Variants in GNL3L observed in about 807,000 individuals in gnomAD.
The protein encoded by GNL3L is G protein nucleolar 3 like.
A neutral mutation model predicts 42.9 loss-of-function variants in GNL3L; 4 were observed. The observed-to-expected ratio is 0.09, with a 90% CI of 0.05 to 0.21. GNL3L has a LOEUF of 0.21. Ranked by LOEUF, GNL3L falls within the 10% of genes least tolerant of loss-of-function variation. The pLI is 1.00. For missense variants in GNL3L, 412 were observed against 481.7 expected (o/e 0.86, Z 1.36); for synonymous variants, 159 against 176.3 (o/e 0.90, Z 0.78).
the GNL3L span, among the ~76,000 whole-genome samples, chrX:54,634,894 C>T: frequency 1.9e-5 from 2 of 103,168 alleles, no homozygotes; most frequent in Non-Finnish European, 3.9e-5. Context: ...GGGGTTCAAG[C>T]GATTCTCCTG....
rs1925348581 is a variant in GNL3L at position 54,564,063 on chromosome X, A to AC, written c.*3466dup. On this transcript the variant is annotated 3_prime_UTR_variant, in exon 16 of 16. Transcript: ENST00000360845. ...CCAGGCCCTTTTGTAGTCAACTCCT[A>AC]CCCCCGACCCTCAGATTCTGCTAAC... 9.2e-6 allele frequency among the ~76,000 whole-genome samples: 1 copy of AC among 109,157 alleles called. No individual in the cohort carries two copies. The highest frequency in any genetic ancestry group is 1.9e-5 in the Non-Finnish European group (1 of 52,612). The allele number at this position is 109,157 out of a possible 115,157, so 94.8% of individuals were successfully genotyped here.
At chrX:54,539,181 T>TTTAC in intron 3 of GNL3L, 80 bp downstream of exon 3, 1 of 531,808 alleles carries the variant, frequency 1.9e-6, no homozygotes, top group Non-Finnish European at 3.0e-6. Flanking sequence ...CCAGTAAATA[T>TTTAC]TGGGTGACTC....
intron 16 of GNL3L, among the ~76,000 whole-genome samples, chrX:54,586,057 C>G (rs1484993731): frequency 9.0e-6 from 1 of 111,451 alleles, no homozygotes; most frequent in African/African-American, 3.3e-5. Flanking sequence ...GATAATCACA[C>G]TTCAAATAGA....
rs1187357541 is a variant in GNL3L at position 54,586,382 on chromosome X, C to T, written c.*45+25735C>T. 8.5e-5 allele frequency among the ~76,000 whole-genome samples: 9 copies of T among 106,423 alleles called. No individual in the cohort carries two copies. The Admixed American group carries it at 9.8e-4, about 12-fold the overall frequency. 92.4% of individuals were successfully genotyped at this position (106,423 alleles called of 115,157 possible). A position where few individuals can be genotyped will look rare whatever the true frequency, so the allele number is the denominator to read the frequency against. On this transcript the variant is annotated intron_variant, in intron 16 of 16. Transcript: ENST00000674498. ...GCGGGGTCCCAAAAGCCCCTGAGTC[C>T]TAAGCAGCAGCAGCAGCAGCACAGT...
rs1303754082 is a variant in GNL3L, at chrX:54,566,084, G to T, written c.*5482G>T. On this transcript the variant is annotated 3_prime_UTR_variant, in exon 16 of 16. Transcript: ENST00000360845. ...GATACACCCGTCTTAGCCTCCCAAA[G>T]TTCTGGGATTACAGGCATGAGCCAT... Among the ~76,000 whole-genome samples the T allele has an allele frequency of 5.4e-5, 6 of 111,490 alleles. No individual in the cohort carries two copies. Among genetic ancestry groups the T allele is most frequent in the Non-Finnish European group, 9.4e-5 (5 of 53,188 alleles).
At chrX:54,556,565 G>A (rs1049383542) in intron 14 of GNL3L, among the ~76,000 whole-genome samples, 1 of 110,952 alleles carries the variant, frequency 9.0e-6, no homozygotes, top group Non-Finnish European at 1.9e-5. Flanking sequence ...GCAGCATGTG[G>A]TCCAGGACCC....
At chrX:54,588,717 T>C (rs1432863315) in intron 16 of GNL3L, among the ~76,000 whole-genome samples, 2 of 110,929 alleles carry the variant, frequency 1.8e-5, no homozygotes, top group Admixed American at 1.9e-4. Context: ...CCTAGCTACT[T>C]AGGAGGCTGA....
downstream of GNL3L, among the ~76,000 whole-genome samples, chrX:54,625,962 A>C (rs1315282269): frequency 9.0e-6 from 1 of 111,568 alleles, no homozygotes; most frequent in Non-Finnish European, 1.9e-5. Context: ...ATTATGATAC[A>C]TGTATACAAT....
intron 16 of GNL3L, among the ~76,000 whole-genome samples, chrX:54,611,211 T>C (rs1325159627): frequency 8.9e-6 from 1 of 112,004 alleles, no homozygotes; most frequent in African/African-American, 3.2e-5. Flanking sequence ...GTTTCATTTC[T>C]TAGTGAGGTT....
In GNL3L at chrX:54,562,355, CATCTTA is replaced by C. The variant is rs1282497589; in HGVS notation, c.*1755_*1760del. On this transcript the variant is annotated 3_prime_UTR_variant, in exon 16 of 16. Coordinates refer to ENST00000360845, the MANE Select transcript of GNL3L (RefSeq NM_001184819.2). ...GCCACTGTGCCCAGCCTCACAGCTG[CATCTTA>C]ACCTTACCTTTGCCTCTGCCTCTCA... is the stretch of plus-strand genomic sequence containing the variant. Among the ~76,000 whole-genome samples, 3 of 112,137 alleles carry C rather than the reference CATCTTA, an allele frequency of 2.7e-5. No individual in the cohort carries two copies. Among genetic ancestry groups the C allele is most frequent in the Admixed American group, 9.5e-5 (1 of 10,546 alleles).
chrX:54,580,377 AT>A (rs748096035), intron 16 of GNL3L, among the ~76,000 whole-genome samples: 1 of 109,831 alleles, frequency 9.1e-6, no homozygotes, highest in Non-Finnish European at 1.9e-5. Flanking sequence ...TATGTGCCAA[AT>A]TTTCTTAATC....
In GNL3L at chrX:54,605,727, A is replaced by G. The variant is rs191292417; in HGVS notation, c.*46-15118A>G. Among the ~76,000 whole-genome samples the G allele has an allele frequency of 2.7e-3, 303 of 110,986 alleles. 3 individuals carry two copies. The highest frequency in any genetic ancestry group is 9.7e-3 in the African/African-American group (297 of 30,520). On this transcript the variant is annotated intron_variant, in intron 16 of 16. Coordinates refer to the GNL3L transcript ENST00000674498. ...TCACTTATTTATTATTATCCCCTCA[A>G]TGTGCTATTCCTTTTTGTCTTTGCT...
chrX:54,548,383 G>T lies in GNL3L; in HGVS notation c.775+10G>T. 1 of 1,188,804 alleles carries T rather than the reference G, an allele frequency of 8.4e-7. No homozygotes were observed. Among genetic ancestry groups the T allele is most frequent in the Non-Finnish European group, 1.1e-6 (1 of 877,091 alleles). On this transcript the variant is annotated intron_variant, in intron 9 of 15. Transcript: ENST00000360845. Reference sequence around the variant, plus strand: ...CGTGTGGGTGTTGTGGGTAAGACCTGCTGTGTGGTCATGGGGCTCAGGCTT... The same window carrying T: ...CGTGTGGGTGTTGTGGGTAAGACCTTCTGTGTGGTCATGGGGCTCAGGCTT...
chrX:54,607,062 T>TC, intron 16 of GNL3L, among the ~76,000 whole-genome samples: 1 of 40,844 alleles, frequency 2.4e-5, no homozygotes, highest in Non-Finnish European at 4.5e-5. Context: ...CTTTCTTTCT[T>TC]TCTTTCTTTC....
At chrX:54,581,026 C>T (rs1469226541) in intron 16 of GNL3L, among the ~76,000 whole-genome samples, 1 of 111,360 alleles carries the variant, frequency 9.0e-6, no homozygotes, top group Non-Finnish European at 1.9e-5. Context: ...GGTGATCTGC[C>T]TGCCTCAGCC....
At chrX:54,582,705 C>T (rs1222524321) in intron 16 of GNL3L, among the ~76,000 whole-genome samples, 1 of 112,162 alleles carries the variant, frequency 8.9e-6, no homozygotes, top group Non-Finnish European at 1.9e-5. Context: ...GCCTCAGCTT[C>T]CCGAGTAGCT....
At chrX:54,588,824 A>G (rs1925826948) in intron 16 of GNL3L, among the ~76,000 whole-genome samples, 1 of 112,181 alleles carries the variant, frequency 8.9e-6, no homozygotes, top group South Asian at 3.7e-4. Context: ...AAGTGGAACC[A>G]GCCATATCGG....
chrX:54,532,588 G>A lies in GNL3L; in HGVS notation c.19+3G>A, dbSNP rs1569541876. 1 of 1,165,155 alleles carries A rather than the reference G, an allele frequency of 8.6e-7. No individual in the cohort carries two copies. The highest frequency in any genetic ancestry group is 3.0e-5 in the East Asian group (1 of 33,639). Reference sequence around the variant, plus strand: ...CATCATGATGAAACTTAGACACAGTGAGTTTCCTTTACCACCCCTCCCAAT... The same window carrying A: ...CATCATGATGAAACTTAGACACAGTAAGTTTCCTTTACCACCCCTCCCAAT... On this transcript the variant is annotated splice_donor_region_variant and intron_variant, in intron 2 of 15. Coordinates refer to ENST00000360845, the MANE Select transcript of GNL3L (RefSeq NM_001184819.2).
chrX:54,588,658 C>CTA (rs1314238337), intron 16 of GNL3L, among the ~76,000 whole-genome samples: 1 of 110,999 alleles, frequency 9.0e-6, no homozygotes, highest in Non-Finnish European at 1.9e-5. Flanking sequence ...AACCCTGTCT[C>CTA]TACTAAAAAT....
Sources: gnomAD v4.1 joint callset for allele counts (sites outside exome capture counted in the v4.1 genomes callset) on GRCh38, gnomAD v4.1.1 for gene constraint, MANE v1.5 for transcripts, NCBI Gene and HGNC (gene_info 2026-07-23, HGNC 2026-07-21) for gene names.